Variants in NEIL3 observed in about 807,000 individuals in gnomAD.
NEIL3 encodes nei like DNA glycosylase 3, also known as endonuclease 8-like 3.
In NEIL3, 48 loss-of-function variants were observed where a neutral mutation model predicts 57.5. The ratio of observed to expected loss-of-function variants is 0.83; its 90% confidence interval spans 0.66 to 1.06. The LOEUF (loss-of-function observed/expected upper bound fraction) is 1.06, where lower values mean the gene tolerates loss of function less well. NEIL3 is among the 50% of genes least tolerant of loss of function. The probability of loss-of-function intolerance (pLI) is 0.00; values close to 1 mark genes in which losing one functional copy is unlikely to be tolerated. For synonymous variants in NEIL3, 261 were observed against 253.2 expected, an observed-to-expected ratio of 1.03 and a Z score of -0.29; for missense variants, 717 against 739.1, an observed-to-expected ratio of 0.97 and a Z score of 0.35.
intron 1 of NEIL3, among the ~76,000 whole-genome samples, chr4:177,317,783 G>A (rs188790858): frequency 7.2e-5 from 11 of 151,740 alleles, no homozygotes; most frequent in African/African-American, 2.7e-4. Flanking sequence ...TGTGTTTTTA[G>A]TAGAGTTTTC....
At chr4:177,353,243 T>C in intron 7 of NEIL3, 65 bp from the exon 8 acceptor site, 1 of 1,321,714 alleles carries the variant, frequency 7.6e-7, no homozygotes, top group Non-Finnish European at 1.1e-6. Context: ...AATAAAAAGA[T>C]GTTTCACATA....
At chr4:177,359,080 G>A (rs957790069) in intron 8 of NEIL3, among the ~76,000 whole-genome samples, 3 of 152,132 alleles carry the variant, frequency 2.0e-5, no homozygotes, top group Non-Finnish European at 2.9e-5. Context: ...TGGAGTTTTG[G>A]AGGGGGTTGG....
chr4:177,319,345 C>A (rs1055978502), intron 1 of NEIL3, among the ~76,000 whole-genome samples: 1 of 152,078 alleles, frequency 6.6e-6, no homozygotes, highest in East Asian at 1.9e-4. Context: ...GGGAAGAGAG[C>A]CAGTCAGGTG....
At chr4:177,363,773 C>G (rs1735653887), downstream of NEIL3, among the ~76,000 whole-genome samples, 1 of 151,774 alleles carries the variant, frequency 6.6e-6, no homozygotes, top group South Asian at 2.1e-4. Context: ...TTTTTTGAGA[C>G]AGGGTCTCAC....
At chr4:177,339,999 G>A in intron 5 of NEIL3, 142 bp downstream of exon 5, 1 of 615,644 alleles carries the variant, frequency 1.6e-6, no homozygotes, top group Non-Finnish European at 2.9e-6. Flanking sequence ...ACATTATGTG[G>A]GTGTAATTAA....
chr4:177,310,961 C>CT (rs1391556414), intron 1 of NEIL3, among the ~76,000 whole-genome samples: 1 of 152,180 alleles, frequency 6.6e-6, no homozygotes, highest in Non-Finnish European at 1.5e-5. Flanking sequence ...GGTTCTAAGT[C>CT]TAAGAAAATA....
At chr4:177,354,581 T>C (rs540050137) in intron 8 of NEIL3, among the ~76,000 whole-genome samples, 2 of 152,292 alleles carry the variant, frequency 1.3e-5, no homozygotes, top group East Asian at 3.9e-4. Flanking sequence ...GGTGGCGTTT[T>C]GCTCTTGTCG....
chr4:177,365,388 A>G (rs888637443), downstream of NEIL3, among the ~76,000 whole-genome samples: 10 of 152,208 alleles, frequency 6.6e-5, no homozygotes, highest in Admixed American at 3.3e-4. Context: ...TGGAAAATGA[A>G]TGAATGTGAA....
chr4:177,310,038 G>A lies in NEIL3; in HGVS notation c.85G>A (p.Gly29Arg), dbSNP rs1263191299. 1 of 1,610,196 alleles carries A rather than the reference G, an allele frequency of 6.2e-7. No homozygotes were observed. Among genetic ancestry groups the A allele is most frequent in the Admixed American group, 1.7e-5 (1 of 59,770 alleles). ...LPGQAVTGVR[G>R]SALRSLQGRA... Reference sequence around the variant, plus strand: ...GGGCCAGGCGGTGACCGGCGTGCGGGGAAGCGCTCTGCGGAGTCTGCAGGG... The same window carrying A: ...GGGCCAGGCGGTGACCGGCGTGCGGAGAAGCGCTCTGCGGAGTCTGCAGGG... The change falls in exon 1 of 10, where the codon GGA becomes AGA. Residue 29 changes from glycine to arginine, a missense_variant. Transcript: ENST00000264596.
In NEIL3 at chr4:177,335,075, A is replaced by AT. The variant is rs1734949299; in HGVS notation, c.279-609dup. On this transcript the variant is annotated intron_variant, in intron 2 of 9. Coordinates refer to ENST00000264596, the MANE Select transcript of NEIL3 (RefSeq NM_018248.3). The stretch of plus-strand genomic sequence containing the variant: ...AACGAAAAGAATTGAGGACAATAGC[A>AT]TTTTGACTTGTTCTCTCTTTTTTTT... Among the ~76,000 whole-genome samples, 8 of 152,110 alleles carry AT rather than the reference A, an allele frequency of 5.3e-5. No individual in the cohort carries two copies. The South Asian group carries it at 1.7e-3, about 32-fold the overall frequency.
Position 177,353,322 on chromosome 4 carries a change from A to G in NEIL3, c.1054A>G (p.Ser352Gly), listed in dbSNP as rs1299197471. 1 of 1,612,370 alleles carries G rather than the reference A, an allele frequency of 6.2e-7. No homozygotes were observed. Among genetic ancestry groups the G allele is most frequent in the Non-Finnish European group, 8.5e-7 (1 of 1,179,502 alleles). Residue 352 changes from serine to glycine, a missense_variant, in exon 8 of 10, where the codon AGT (serine) becomes GGT (glycine). Transcript: ENST00000264596. Reference sequence around the variant, plus strand: ...TCTCCTTCCAGATTCAGTGCTCAAGAGTGAAGAAAATTCTACTGTCTTTAG... The same window carrying G: ...TCTCCTTCCAGATTCAGTGCTCAAGGGTGAAGAAAATTCTACTGTCTTTAG... ...TSRPIDSVLK[S>G]EENSTVFSHL...
At chr4:177,312,568 G>A (rs1390808970) in intron 1 of NEIL3, among the ~76,000 whole-genome samples, 1 of 152,122 alleles carries the variant, frequency 6.6e-6, no homozygotes, top group African/African-American at 2.4e-5. Context: ...AAAGAGTGCA[G>A]CCTGATAATA....
intron 4 of NEIL3, among the ~76,000 whole-genome samples, chr4:177,337,215 A>G (rs938361100): frequency 2.0e-5 from 3 of 152,208 alleles, no homozygotes; most frequent in Non-Finnish European, 4.4e-5. Context: ...GAATACATAC[A>G]TTTTAGTTTC....
intron 1 of NEIL3, among the ~76,000 whole-genome samples, chr4:177,315,534 G>A (rs958330024): frequency 1.3e-5 from 2 of 152,206 alleles, no homozygotes; most frequent in African/African-American, 4.8e-5. Context: ...TCATAGCAAA[G>A]ATAACAGGCT....
intron 6 of NEIL3, among the ~76,000 whole-genome samples, chr4:177,349,034 A>ATTTTTTT (rs70938582): frequency 1.4e-4 from 14 of 100,450 alleles, no homozygotes; most frequent in African/African-American, 2.1e-4. Context: ...CACCTGGCTA[A>ATTTTTTT]TTTTTTTTTT....
At chr4:177,315,085 AAAAAT>A (rs1172665910) in intron 1 of NEIL3, among the ~76,000 whole-genome samples, 1 of 152,002 alleles carries the variant, frequency 6.6e-6, no homozygotes, top group African/African-American at 2.4e-5. Context: ...AAAAAAAAAA[AAAAAT>A]GTGTTGTTGT....
intron 6 of NEIL3, among the ~76,000 whole-genome samples, 159 bp from the exon 7 acceptor site, chr4:177,351,206 CAAAAAAAAAAAAAAA>C (rs749430879): frequency 2.2e-4 from 13 of 58,518 alleles, no homozygotes; most frequent in South Asian, 9.8e-4. Flanking sequence ...CCCATCTCTA[CAAAAAAAAAAAAAAA>C]AAAAAAAAAA....
At chr4:177,325,200 T>A (rs984433970) in intron 2 of NEIL3, among the ~76,000 whole-genome samples, 10 of 152,162 alleles carry the variant, frequency 6.6e-5, no homozygotes, top group African/African-American at 2.2e-4. Context: ...GATAATATAA[T>A]GATTCTTTTT....
chr4:177,332,478 A>C (rs1320372543), intron 2 of NEIL3, among the ~76,000 whole-genome samples: 2 of 152,122 alleles, frequency 1.3e-5, no homozygotes, highest in East Asian at 3.9e-4. Flanking sequence ...TCCCTCAAGG[A>C]CAGATATGAC....
Sources: gnomAD v4.1 joint callset for allele counts (sites outside exome capture counted in the v4.1 genomes callset) on GRCh38, gnomAD v4.1.1 for gene constraint, MANE v1.5 for transcripts, NCBI Gene and HGNC (gene_info 2026-07-23, HGNC 2026-07-21) for gene names.